The following CCDC6 variants were observed in gnomAD, a reference collection of about 807,000 sequenced individuals.
CCDC6 encodes the protein coiled-coil domain-containing protein 6.
In CCDC6, 20 loss-of-function variants were observed where a neutral mutation model predicts 56.6. The ratio of observed to expected loss-of-function variants is 0.35; its 90% CI spans 0.25 to 0.51. The LOEUF is 0.51. CCDC6 is among the 20% of genes least tolerant of loss of function. The pLI is 0.95. For synonymous variants in CCDC6, 241 were observed against 234.4 expected (o/e 1.03, Z -0.26); for missense variants, 367 against 601.1 (o/e 0.61, Z 4.07).
intron 3 of CCDC6, among the ~76,000 whole-genome samples, chr10:59,820,634 G>T (rs1263545225): frequency 1.3e-5 from 2 of 152,022 alleles, no homozygotes; most frequent in African/African-American, 2.4e-5. Flanking sequence ...TCCAGTCCCA[G>T]CTACTCAAGA....
chr10:59,796,185 G>A (rs2132620953), intron 7 of CCDC6, among the ~76,000 whole-genome samples: 2 of 152,192 alleles, frequency 1.3e-5, no homozygotes, highest in South Asian at 4.2e-4. Flanking sequence ...GGTGTAAGAT[G>A]GTATCTCACT....
intron 7 of CCDC6, among the ~76,000 whole-genome samples, chr10:59,804,178 T>C (rs1263756590): frequency 2.2e-5 from 3 of 137,290 alleles, no homozygotes; most frequent in Non-Finnish European, 4.7e-5. Context: ...TACAGTCAAA[T>C]TCCTTTTAGA....
chr10:59,858,396 G>A (rs753971325), intron 1 of CCDC6, among the ~76,000 whole-genome samples: 5 of 152,160 alleles, frequency 3.3e-5, no homozygotes, highest in Non-Finnish European at 7.4e-5. Flanking sequence ...TACAGGGATT[G>A]GAGCAGAATC....
intron 1 of CCDC6, among the ~76,000 whole-genome samples, chr10:59,882,050 G>A (rs28707007): frequency 1.9e-5 from 1 of 51,424 alleles, no homozygotes; most frequent in Non-Finnish European, 4.1e-5. Context: ...GGAAAGCCAG[G>A]GGGAGAAGGA....
At chr10:59,819,187 G>A (rs961752755) in intron 3 of CCDC6, among the ~76,000 whole-genome samples, 2 of 152,066 alleles carry the variant, frequency 1.3e-5, no homozygotes, top group African/African-American at 4.8e-5. Flanking sequence ...ATCAGCTTCT[G>A]GTAAAATTGA....
At chr10:59,905,727 C>A (rs2071538746) in intron 1 of CCDC6, among the ~76,000 whole-genome samples, 1 of 152,196 alleles carries the variant, frequency 6.6e-6, no homozygotes, top group Non-Finnish European at 1.5e-5. Flanking sequence ...CTTCCTCCCT[C>A]TTCCAGGACT....
intron 1 of CCDC6, among the ~76,000 whole-genome samples, chr10:59,867,104 G>C (rs910023880): frequency 3.9e-5 from 6 of 152,202 alleles, no homozygotes; most frequent in Non-Finnish European, 7.3e-5. Context: ...ATGCACCAGA[G>C]AGCAACAACT....
intron 3 of CCDC6, among the ~76,000 whole-genome samples, chr10:59,826,739 C>T (rs902347965): frequency 1.3e-5 from 2 of 152,144 alleles, no homozygotes; most frequent in Non-Finnish European, 2.9e-5. Context: ...ATAAATATGT[C>T]CATACCTGAA....
chr10:59,806,928 T>C lies in CCDC6; in HGVS notation c.998A>G (p.Asp333Gly). The change falls in exon 6 of 9, where the codon GAC becomes GGC. Residue 333 changes from aspartate to glycine, a missense_variant. Asp to Gly is a moderately conservative substitution (Grantham distance 94). Transcript: ENST00000263102. The part of the protein sequence containing the change: ...SESESSLEMD[D>G]ERYFNEMSAQ... ...TCATAAGACATGCACACACCTTTCG[T>C]CGTCCATTTCTAAGCTGGACTCACT... 1 of 1,613,696 alleles carries C rather than the reference T, an allele frequency of 6.2e-7. No individual in the cohort carries two copies. Among genetic ancestry groups the C allele is most frequent in the Non-Finnish European group, 8.5e-7 (1 of 1,179,850 alleles).
chr10:59,794,804 C>T (rs569131177), intron 7 of CCDC6, among the ~76,000 whole-genome samples: 54 of 152,188 alleles, frequency 3.5e-4, no homozygotes, highest in Middle Eastern at 6.8e-3. Context: ...GAAATAAACT[C>T]ACACGTATAT....
chr10:59,877,189 T>G (rs577399287), intron 1 of CCDC6, among the ~76,000 whole-genome samples: 2 of 152,302 alleles, frequency 1.3e-5, no homozygotes, highest in East Asian at 3.9e-4. Context: ...TTGACAAAAT[T>G]CTGCTCATTC....
intron 1 of CCDC6, among the ~76,000 whole-genome samples, chr10:59,873,361 A>G (rs1286670008): frequency 6.6e-6 from 1 of 152,110 alleles, no homozygotes; most frequent in African/African-American, 2.4e-5. Context: ...CAAGGAGAAG[A>G]TGACCACATG....
In CCDC6 at chr10:59,906,546, A is replaced by T; in HGVS notation, c.-122T>A. 4 of 830,250 alleles carry T rather than the reference A, an allele frequency of 4.8e-6. No individual in the cohort carries two copies. In the South Asian group the frequency reaches 8.3e-5, roughly 17 times the overall value. 51.4% of individuals were successfully genotyped at this position (830,250 alleles called of 1,614,324 possible). ...AGCGCCGAGCTGAGCGCCTGGCACCAGGGCGCAGACTCGGAGCGGCGGCGA... is the reference window on the plus strand; with the variant it reads ...AGCGCCGAGCTGAGCGCCTGGCACCTGGGCGCAGACTCGGAGCGGCGGCGA... On this transcript the variant is annotated 5_prime_UTR_variant, in exon 1 of 9. Transcript: ENST00000263102.
rs138351630 is a variant in CCDC6, at chr10:59,859,951, G to A, written c.304-7249C>T. ...ACAAAAATTAGCTGGGTGTGGTGGC[G>A]CACGCCTATAATCCCAGCTACTCGG... On this transcript the variant is annotated intron_variant, in intron 1 of 8. Transcript: ENST00000263102. 3.2e-3 allele frequency among the ~76,000 whole-genome samples: 488 copies of A among 152,246 alleles called. 2 individuals carry two copies. Among genetic ancestry groups the A allele is most frequent in the African/African-American group, 0.011 (455 of 41,536 alleles).
chr10:59,874,538 C>A (rs143605637), intron 1 of CCDC6, among the ~76,000 whole-genome samples: 55 of 152,308 alleles, frequency 3.6e-4, no homozygotes, highest in African/African-American at 1.3e-3. Flanking sequence ...CTCCCTCCTG[C>A]AAACTTTGCC....
At chr10:59,808,322 CTT>C (rs1479383496) in intron 5 of CCDC6, among the ~76,000 whole-genome samples, 2 of 152,174 alleles carry the variant, frequency 1.3e-5, no homozygotes, top group Non-Finnish European at 2.9e-5. Context: ...CATCAAAACT[CTT>C]GTCCTTCCAA....
chr10:59,888,890 C>A (rs2071401766), intron 1 of CCDC6, among the ~76,000 whole-genome samples: 1 of 152,086 alleles, frequency 6.6e-6, no homozygotes, highest in Non-Finnish European at 1.5e-5. Context: ...AAATAAATTT[C>A]ACAGCAGGGA....
chr10:59,895,475 G>A (rs2071455101), intron 1 of CCDC6, among the ~76,000 whole-genome samples: 1 of 152,180 alleles, frequency 6.6e-6, no homozygotes. Flanking sequence ...GTAGGCTTAT[G>A]GCTATGGATA....
chr10:59,857,731 A>C (rs2071091770), intron 1 of CCDC6, among the ~76,000 whole-genome samples: 1 of 152,176 alleles, frequency 6.6e-6, no homozygotes, highest in African/African-American at 2.4e-5. Context: ...TTTAATAACA[A>C]AGAATCATGA....
Sources: allele counts gnomAD v4.1 joint callset (sites outside exome capture counted in the v4.1 genomes callset), GRCh38; gene constraint gnomAD v4.1.1; transcripts MANE v1.5; gene names NCBI Gene and HGNC (gene_info 2026-07-23, HGNC 2026-07-21).